MYO5A: variants seen among roughly 807,000 people sequenced by gnomAD.
The protein encoded by MYO5A is myosin VA.
Under a neutral mutation model 249.7 loss-of-function variants are expected in MYO5A, and 98 were observed. The observed-to-expected ratio is 0.39, with a 90% CI of 0.33 to 0.46. The LOEUF is 0.46. MYO5A is among the 20% of genes least tolerant of loss of function. MYO5A has a pLI of 0.98. For missense variants in MYO5A, 1,696 were observed against 2,308.8 expected (o/e 0.73, Z 5.44); for synonymous variants, 778 against 810.6 (o/e 0.96, Z 0.68).
chr15:52,375,034 C>T (rs1420932163), intron 20 of MYO5A, among the ~76,000 whole-genome samples: 1 of 152,058 alleles, frequency 6.6e-6, no homozygotes, highest in African/African-American at 2.4e-5. Context: ...AATCTCAGCA[C>T]TTTGGGAAGC....
At chr15:52,488,730 T>C (rs1196986014) in intron 1 of MYO5A, among the ~76,000 whole-genome samples, 1 of 152,046 alleles carries the variant, frequency 6.6e-6, no homozygotes, top group African/African-American at 2.4e-5. Context: ...AGGCTGTTAT[T>C]TGTTGAAGCT....
At chr15:52,337,512 G>A (rs1056286653) in intron 33 of MYO5A, among the ~76,000 whole-genome samples, 95 of 152,240 alleles carry the variant, frequency 6.2e-4, no homozygotes, top group African/African-American at 2.3e-3. Flanking sequence ...AAAGGGAACA[G>A]TTGCTATCTC....
chr15:52,330,614 G>T, intron 34 of MYO5A, 115 bp from the exon 35 acceptor site: 1 of 1,242,736 alleles, frequency 8.0e-7, no homozygotes, highest in Non-Finnish European at 1.1e-6. Flanking sequence ...TGCCATATTT[G>T]CCACTTAATT....
chr15:52,479,878 T>C (rs2076679838), intron 1 of MYO5A, among the ~76,000 whole-genome samples: 1 of 152,172 alleles, frequency 6.6e-6, no homozygotes, highest in African/African-American at 2.4e-5. Flanking sequence ...GGACAGTGAG[T>C]CTGGCCTTGC....
intron 37 of MYO5A, among the ~76,000 whole-genome samples, chr15:52,321,792 T>TAAAA (rs71875115): frequency 4.0e-3 from 369 of 92,190 alleles, no homozygotes; most frequent in Non-Finnish European, 4.8e-3. Flanking sequence ...GGAACTTAAC[T>TAAAA]AAAAAAAAAA....
In MYO5A at chr15:52,372,123, C is replaced by T; in HGVS notation, c.2817+1G>A. The T allele has an allele frequency of 6.2e-7, 1 of 1,613,572 alleles. No homozygotes were observed. The highest frequency in any genetic ancestry group is 8.5e-7 in the Non-Finnish European group (1 of 1,180,008). On this transcript the variant is annotated splice_donor_variant, in intron 21 of 41. Coordinates refer to ENST00000399233, the MANE Select transcript of MYO5A (RefSeq NM_001382347.1). LOFTEE classifies it high-confidence loss of function. Reference sequence around the variant, plus strand: ...TCTCAGGGCCCCTTTGTGAAACACACCTGCTCATCAACTTTGCGCTGCAGC... The same window carrying T: ...TCTCAGGGCCCCTTTGTGAAACACATCTGCTCATCAACTTTGCGCTGCAGC...
intron 36 of MYO5A, among the ~76,000 whole-genome samples, chr15:52,324,772 T>A (rs1596289002): frequency 1.3e-5 from 2 of 152,132 alleles, no homozygotes; most frequent in East Asian, 3.9e-4. Context: ...ATCACCTTTT[T>A]AAGAAAGTAC....
intron 16 of MYO5A, among the ~76,000 whole-genome samples, chr15:52,381,849 T>C (rs1367534583): frequency 6.6e-6 from 1 of 151,608 alleles, no homozygotes; most frequent in Non-Finnish European, 1.5e-5. Context: ...TCAAGAACAA[T>C]GTATGACAGT....
At chr15:52,381,782 TCACACACACACA>T (rs1555438778) in intron 16 of MYO5A, among the ~76,000 whole-genome samples, 1 of 137,766 alleles carries the variant, frequency 7.3e-6, no homozygotes, top group African/African-American at 2.6e-5. Flanking sequence ...TCTCTCTCTC[TCACACACACACA>T]CACACACACA....
rs199756361 is a variant in MYO5A, at chr15:52,329,976, T to G, written c.4555+377A>C. On this transcript the variant is annotated intron_variant, in intron 35 of 41. Coordinates refer to ENST00000399233, the MANE Select transcript of MYO5A (RefSeq NM_001382347.1). Reference sequence around the variant, plus strand: ...ATTTTCCCGAGGCTGGCCTTGAGGGTTTTTTCTTTTTCTTTTTTTTTTTTT... The same window carrying G: ...ATTTTCCCGAGGCTGGCCTTGAGGGGTTTTTCTTTTTCTTTTTTTTTTTTT... Among the ~76,000 whole-genome samples, 7 of 118,952 alleles carry G rather than the reference T, an allele frequency of 5.9e-5. No homozygotes were observed. In the South Asian group the frequency reaches 1.6e-3, roughly 27 times the overall value. 78.0% of individuals were successfully genotyped at this position (118,952 alleles called of 152,430 possible).
chr15:52,334,008 G>T (rs78126914), intron 34 of MYO5A, among the ~76,000 whole-genome samples: 8,515 of 152,240 alleles, frequency 0.056, 285 homozygotes, highest in South Asian at 0.093. Context: ...AACTCAAAAT[G>T]TAACTCTTCT....
chr15:52,395,617 C>G (rs1184192555), intron 11 of MYO5A, among the ~76,000 whole-genome samples: 1 of 152,136 alleles, frequency 6.6e-6, no homozygotes, highest in Non-Finnish European at 1.5e-5. Context: ...ACAGAAGGTA[C>G]TATTATTATC....
chr15:52,353,155 C>T (rs1012938535), intron 27 of MYO5A, among the ~76,000 whole-genome samples: 2 of 152,196 alleles, frequency 1.3e-5, no homozygotes, highest in African/African-American at 4.8e-5. Flanking sequence ...TGACATTGAT[C>T]CTGCTGGTCC....
intron 1 of MYO5A, among the ~76,000 whole-genome samples, chr15:52,438,309 C>T (rs966490494): frequency 3.9e-5 from 6 of 152,150 alleles, no homozygotes; most frequent in East Asian, 3.8e-4. Flanking sequence ...GCCACTGGAA[C>T]GCATGAGGAA....
At chr15:52,399,709 A>G (rs1395207544) in intron 9 of MYO5A, among the ~76,000 whole-genome samples, 1 of 152,068 alleles carries the variant, frequency 6.6e-6, no homozygotes, top group Non-Finnish European at 1.5e-5. Flanking sequence ...CTTTGTGCAC[A>G]TGTACACAAT....
chr15:52,407,709 C>G (rs564290851), intron 7 of MYO5A, among the ~76,000 whole-genome samples: 85 of 152,068 alleles, frequency 5.6e-4, no homozygotes, highest in Non-Finnish European at 1.0e-3. Flanking sequence ...TCATAAGAAA[C>G]CCTACTGGCT....
chr15:52,384,044 A>G (rs1567074179), intron 15 of MYO5A, 117 bp downstream of exon 15: 2 of 1,260,216 alleles, frequency 1.6e-6, no homozygotes, highest in Non-Finnish European at 2.3e-6. Context: ...TCTCACAGTG[A>G]AAGCTCTAGG....
chr15:52,428,629 C>G, intron 2 of MYO5A, 60 bp from the exon 3 acceptor site: 1 of 1,575,186 alleles, frequency 6.3e-7, no homozygotes, highest in Non-Finnish European at 8.7e-7. Flanking sequence ...GAAAGAGGCC[C>G]ATGCATTTTG....
At position 52,372,112 on chromosome 15, in the gene MYO5A, T is replaced by C; in HGVS notation, c.2817+12A>G. The C allele has an allele frequency of 6.2e-7, 1 of 1,613,422 alleles. No individual in the cohort carries two copies. Among genetic ancestry groups the C allele is most frequent in the Non-Finnish European group, 8.5e-7 (1 of 1,179,996 alleles). On this transcript the variant is annotated intron_variant, in intron 21 of 41. Coordinates refer to ENST00000399233, the MANE Select transcript of MYO5A (RefSeq NM_001382347.1). ...GCATACTCCACTCTCAGGGCCCCTT[T>C]GTGAAACACACCTGCTCATCAACTT...
Sources: gnomAD v4.1 joint callset for allele counts (sites outside exome capture counted in the v4.1 genomes callset) on GRCh38, gnomAD v4.1.1 for gene constraint, MANE v1.5 for transcripts, NCBI Gene and HGNC (gene_info 2026-07-23, HGNC 2026-07-21) for gene names.